DOCK1: variants seen among roughly 807,000 people sequenced by gnomAD.
The protein encoded by DOCK1 is dedicator of cytokinesis 1, also known as dedicator of cytokinesis protein 1.
DOCK1 carries 138 observed loss-of-function variants against 262.7 expected under a neutral mutation model. The observed-to-expected ratio is 0.53, with a 90% confidence interval of 0.46 to 0.61. DOCK1 has a LOEUF of 0.61. Among genes scored for constraint, DOCK1 ranks in the 20% least tolerant of loss-of-function variants. The pLI is 0.00. For synonymous variants in DOCK1, 866 were observed against 867.4 expected (o/e 1.00, Z 0.03); for missense variants, 1,908 against 2,370.7 (o/e 0.80, Z 4.05).
At chr10:127,334,601 C>T (rs539997832) in intron 29 of DOCK1, among the ~76,000 whole-genome samples, 17 of 152,264 alleles carry the variant, frequency 1.1e-4, no homozygotes, top group East Asian at 7.7e-4. Flanking sequence ...CTAGACCTTA[C>T]GGCTTTTTGA....
chr10:127,254,454 G>A (rs984959372), intron 28 of DOCK1, among the ~76,000 whole-genome samples: 5 of 152,114 alleles, frequency 3.3e-5, no homozygotes, highest in East Asian at 1.9e-4. Context: ...CATTGCTGTC[G>A]AAAGCTTCCT....
At chr10:126,951,289 G>T in intron 1 of DOCK1, among the ~76,000 whole-genome samples, 1 of 151,314 alleles carries the variant, frequency 6.6e-6, no homozygotes, top group East Asian at 1.9e-4. Flanking sequence ...TGGTAGTATT[G>T]GTAGTGTTAG....
At chr10:127,288,465 A>C (rs1196256790) in intron 29 of DOCK1, among the ~76,000 whole-genome samples, 1 of 152,108 alleles carries the variant, frequency 6.6e-6, no homozygotes, top group Non-Finnish European at 1.5e-5. Flanking sequence ...AGAGCTAGGA[A>C]ATACATTTTC....
chr10:127,366,845 T>G (rs1276837207), intron 33 of DOCK1, among the ~76,000 whole-genome samples: 2 of 152,052 alleles, frequency 1.3e-5, no homozygotes, highest in Non-Finnish European at 2.9e-5. Context: ...GGGGCTTAAG[T>G]TTTTTTTATA....
intron 23 of DOCK1, among the ~76,000 whole-genome samples, chr10:127,090,681 A>C (rs1031779570): frequency 2.0e-5 from 3 of 152,162 alleles, no homozygotes; most frequent in Non-Finnish European, 4.4e-5. Context: ...CTGCCTGGCA[A>C]CCACGAATTT....
intron 37 of DOCK1, among the ~76,000 whole-genome samples, chr10:127,383,270 AT>A (rs1174309910): frequency 6.6e-6 from 1 of 152,160 alleles, no homozygotes; most frequent in Non-Finnish European, 1.5e-5. Flanking sequence ...GGTAGAGAGG[AT>A]TTTTGCTTCC....
intron 15 of DOCK1, among the ~76,000 whole-genome samples, chr10:127,025,670 G>A (rs867091821): frequency 1.3e-5 from 2 of 151,930 alleles, no homozygotes; most frequent in Admixed American, 6.5e-5. Flanking sequence ...GGCTGGTCTC[G>A]AACTCCTGAC....
intron 29 of DOCK1, among the ~76,000 whole-genome samples, chr10:127,285,094 T>C (rs1002904472): frequency 1.3e-5 from 2 of 152,132 alleles, no homozygotes; most frequent in Non-Finnish European, 2.9e-5. Context: ...GTCGTGATCG[T>C]GCCACTGCAC....
chr10:127,004,769 G>GCCC (rs1285670669), intron 10 of DOCK1, among the ~76,000 whole-genome samples: 7 of 14,274 alleles, frequency 4.9e-4, no homozygotes, highest in East Asian at 3.1e-3. Flanking sequence ...CCCCTGCCCC[G>GCCC]CCACCCCCCC....
rs1034835650 is a variant in DOCK1 at position 127,267,347 on chromosome 10, G to A, written c.3044+9918G>A. 5.3e-5 allele frequency among the ~76,000 whole-genome samples: 8 copies of A among 152,300 alleles called. No individual in the cohort carries two copies. In the East Asian group the frequency reaches 1.2e-3, roughly 22 times the overall value. On this transcript the variant is annotated intron_variant, in intron 29 of 51. Coordinates refer to ENST00000623213, the MANE Select transcript of DOCK1 (RefSeq NM_001290223.2). ...ATAACAGTTATTCTATTTCATGTCTGCTTTTGCTCTTTGCTTAATAACTAA... is the reference window on the plus strand; with the variant it reads ...ATAACAGTTATTCTATTTCATGTCTACTTTTGCTCTTTGCTTAATAACTAA...
chr10:127,206,831 T>C (rs1026082940), intron 27 of DOCK1, among the ~76,000 whole-genome samples: 6 of 152,198 alleles, frequency 3.9e-5, no homozygotes, highest in African/African-American at 1.4e-4. Context: ...CCTTCCCTGC[T>C]CCATTTTTCA....
At chr10:127,052,315 A>G (rs1243984245) in intron 21 of DOCK1, among the ~76,000 whole-genome samples, 1 of 152,192 alleles carries the variant, frequency 6.6e-6, no homozygotes, top group South Asian at 2.1e-4. Flanking sequence ...GCCTGAGCTC[A>G]GGAGTTTGAG....
At chr10:127,022,280 G>T (rs9418790) in intron 13 of DOCK1, among the ~76,000 whole-genome samples, 1 of 151,372 alleles carries the variant, frequency 6.6e-6, no homozygotes, top group East Asian at 1.9e-4. Flanking sequence ...CCCTAGACCC[G>T]TTTTTCCTCC....
In DOCK1 at chr10:127,293,955, C is replaced by G. The variant is rs141324035; in HGVS notation, c.3044+36526C>G. 5.0e-3 allele frequency among the ~76,000 whole-genome samples: 760 copies of G among 152,362 alleles called. 2 individuals are homozygous for G. The highest frequency in any genetic ancestry group is 8.5e-3 in the Non-Finnish European group (580 of 68,040). On this transcript the variant is annotated intron_variant, in intron 29 of 51. Transcript: ENST00000623213. Reference sequence around the variant, plus strand: ...CTGAGAACCCGCCTAGTCATCTGATCTGCCTCCATCATGCAGGCGTACTGA... The same window carrying G: ...CTGAGAACCCGCCTAGTCATCTGATGTGCCTCCATCATGCAGGCGTACTGA...
At chr10:127,203,020 T>A (rs1013829540) in intron 27 of DOCK1, among the ~76,000 whole-genome samples, 6 of 152,200 alleles carry the variant, frequency 3.9e-5, no homozygotes, top group Non-Finnish European at 5.9e-5. Context: ...CTCACTGTAT[T>A]AGTTACACTT....
At chr10:127,070,752 G>A (rs4751547) in intron 23 of DOCK1, among the ~76,000 whole-genome samples, 26,899 of 150,756 alleles carry the variant, frequency 0.18, 2,559 homozygotes, top group South Asian at 0.32. Flanking sequence ...GAGTCACCTG[G>A]AGGTCTTGTT....
intron 27 of DOCK1, among the ~76,000 whole-genome samples, chr10:127,218,332 C>T (rs2058297797): frequency 6.6e-6 from 1 of 152,198 alleles, no homozygotes; most frequent in Admixed American, 6.5e-5. Context: ...ATGGAATCAT[C>T]AAGTCATAAA....
chr10:127,102,025 T>C (rs1432311945), intron 23 of DOCK1, among the ~76,000 whole-genome samples: 1 of 152,106 alleles, frequency 6.6e-6, no homozygotes, highest in African/African-American at 2.4e-5. Flanking sequence ...TTTTGAAAAG[T>C]TGCATCCCAA....
At chr10:126,969,533 A>G (rs1185015725) in intron 1 of DOCK1, among the ~76,000 whole-genome samples, 1 of 152,226 alleles carries the variant, frequency 6.6e-6, no homozygotes, top group African/African-American at 2.4e-5. Flanking sequence ...CACATCTGAA[A>G]TAAGACTGGC....
Sources: allele counts gnomAD v4.1 joint callset (sites outside exome capture counted in the v4.1 genomes callset), GRCh38; gene constraint gnomAD v4.1.1; transcripts MANE v1.5; gene names NCBI Gene and HGNC (gene_info 2026-07-23, HGNC 2026-07-21).